Variants in MAPKAP1 observed in about 807,000 individuals in gnomAD.
MAPKAP1 encodes the protein target of rapamycin complex 2 subunit MAPKAP1.
In MAPKAP1, 20 loss-of-function variants were observed where a neutral mutation model predicts 65.7. That is an observed-to-expected ratio of 0.30 (90% CI 0.21 to 0.44). The LOEUF (loss-of-function observed/expected upper bound fraction) is 0.44. Ranked by LOEUF, MAPKAP1 falls within the 20% of genes least tolerant of loss-of-function variation. The pLI is 1.00. For synonymous variants in MAPKAP1, 222 were observed against 244.3 expected (o/e 0.91, Z 0.85); for missense variants, 423 against 648.0 (o/e 0.65, Z 3.77).
chr9:125,526,327 T>C (rs1050560041), intron 7 of MAPKAP1, among the ~76,000 whole-genome samples: 1 of 152,206 alleles, frequency 6.6e-6, no homozygotes, highest in South Asian at 2.1e-4. Context: ...AATGTCAAAA[T>C]GTACATGTGA....
chr9:125,646,989 A>T (rs1486127740), intron 4 of MAPKAP1, among the ~76,000 whole-genome samples: 1 of 152,214 alleles, frequency 6.6e-6, no homozygotes, highest in Non-Finnish European at 1.5e-5. Flanking sequence ...GCCTTATACA[A>T]ACATCTGCCG....
At chr9:125,528,220 G>A in intron 7 of MAPKAP1, among the ~76,000 whole-genome samples, 1 of 152,202 alleles carries the variant, frequency 6.6e-6, no homozygotes, top group Non-Finnish European at 1.5e-5. Context: ...TGGGGACAGG[G>A]CCACAGTGCC....
chr9:125,511,511 A>G (rs984153921), intron 7 of MAPKAP1, among the ~76,000 whole-genome samples: 4 of 152,360 alleles, frequency 2.6e-5, no homozygotes, highest in East Asian at 1.9e-4. Flanking sequence ...TCACTCACAC[A>G]AAGTTCTTAA....
chr9:125,507,932 C>T (rs1829191580), intron 7 of MAPKAP1, among the ~76,000 whole-genome samples: 1 of 152,024 alleles, frequency 6.6e-6, no homozygotes, highest in African/African-American at 2.4e-5. Context: ...TCCCAAATCC[C>T]AGCACTTCGG....
intron 4 of MAPKAP1, among the ~76,000 whole-genome samples, chr9:125,653,740 T>A (rs1833956137): frequency 6.6e-6 from 1 of 152,202 alleles, no homozygotes; most frequent in Non-Finnish European, 1.5e-5. Context: ...ATAGGTTGCT[T>A]TATTAAACGA....
chr9:125,597,035 G>A (rs181078553), intron 4 of MAPKAP1, among the ~76,000 whole-genome samples: 477 of 151,224 alleles, frequency 3.2e-3, no homozygotes, highest in South Asian at 6.5e-3. Flanking sequence ...GGCCAAGGCG[G>A]GCAGATCACG....
Position 125,611,173 on chromosome 9 carries a change from T to A in MAPKAP1, c.499-25446A>T, listed in dbSNP as rs988545365. The stretch of plus-strand genomic sequence containing the variant: ...AATTACTGAATACAGGTGCTACACA[T>A]AAGGGTGCTCACTGAACTTTTACTA... On this transcript the variant is annotated intron_variant, in intron 4 of 11. Coordinates refer to ENST00000265960, the MANE Select transcript of MAPKAP1 (RefSeq NM_001006617.3). Among the ~76,000 whole-genome samples the A allele has an allele frequency of 3.3e-4, 51 of 152,300 alleles. 1 individual carries two copies. Among genetic ancestry groups the A allele is most frequent in the Admixed American group, 2.9e-3 (45 of 15,290 alleles).
At position 125,477,073 on chromosome 9, in the gene MAPKAP1, A is replaced by G. The variant is rs1854138081; in HGVS notation, c.1207+7370T>C. Among the ~76,000 whole-genome samples, 3 of 152,220 alleles carry G rather than the reference A, an allele frequency of 2.0e-5. No individual in the cohort carries two copies. In the South Asian group the frequency reaches 6.2e-4, roughly 32 times the overall value. ...CAAGTCTTATGATTATACATACTGG[A>G]CAGTTTTATGAAAAGATAATGGAAG... On this transcript the variant is annotated intron_variant, in intron 9 of 11. Transcript: ENST00000265960.
At chr9:125,585,496 C>T (rs1159010705) in intron 5 of MAPKAP1, 59 bp downstream of exon 5, 1 of 1,576,418 alleles carries the variant, frequency 6.3e-7, no homozygotes, top group African/African-American at 1.3e-5. Context: ...GCCTAGAAGA[C>T]ACCTTGGGTG....
At chr9:125,521,780 C>T in intron 7 of MAPKAP1, 1 of 1,611,530 alleles carries the variant, frequency 6.2e-7, no homozygotes, top group Non-Finnish European at 8.5e-7. Flanking sequence ...GGACAAAAAA[C>T]AGAAGAAACA....
chr9:125,625,980 T>C (rs1833107266), intron 4 of MAPKAP1, among the ~76,000 whole-genome samples: 1 of 152,230 alleles, frequency 6.6e-6, no homozygotes, highest in African/African-American at 2.4e-5. Context: ...ACTGAAGTCA[T>C]ACTTAAGGTG....
At chr9:125,496,594 C>T (rs1297441354) in intron 8 of MAPKAP1, among the ~76,000 whole-genome samples, 2 of 152,116 alleles carry the variant, frequency 1.3e-5, no homozygotes, top group South Asian at 2.1e-4. Flanking sequence ...ATGGAACCAC[C>T]AGGGAGTCTC....
chr9:125,631,893 G>A (rs1833294452), intron 4 of MAPKAP1, among the ~76,000 whole-genome samples: 1 of 152,076 alleles, frequency 6.6e-6, no homozygotes, highest in Non-Finnish European at 1.5e-5. Context: ...TCTCCCATGC[G>A]AAGCCCAGGC....
chr9:125,438,921 C>T lies in MAPKAP1; in HGVS notation c.1535G>A (p.Ser512Asn). 1.9e-6 allele frequency: 3 copies of T among 1,614,254 alleles called. No homozygotes were observed. The Middle Eastern group carries it at 5.0e-4, about 266-fold the overall frequency. ...CCCGGATTTCTTCTCCTTCTGGAAG[C>T]TGAAGCTCGTACGTCTGTTCAGTTT... Reference protein sequence around the residue: ...QRKLNRRTSFSFQKEKKSGQQ With the variant: ...QRKLNRRTSFNFQKEKKSGQQ Residue 512 changes from serine to asparagine, a missense_variant, in exon 12 of 12, where the codon AGC (serine) becomes AAC (asparagine). Ser to Asn is a conservative substitution (Grantham distance 46, BLOSUM62 1). Coordinates refer to ENST00000265960, the MANE Select transcript of MAPKAP1 (RefSeq NM_001006617.3).
chr9:125,517,587 T>C (rs1829499693), intron 7 of MAPKAP1, among the ~76,000 whole-genome samples: 1 of 152,240 alleles, frequency 6.6e-6, no homozygotes, highest in Admixed American at 6.5e-5. Context: ...AAATAGTTTA[T>C]GTATTGCCAT....
chr9:125,707,178 A>C lies in MAPKAP1; in HGVS notation c.-277T>G, dbSNP rs1410576155. On this transcript the variant is annotated 5_prime_UTR_variant, in exon 1 of 12. Coordinates refer to ENST00000265960, the MANE Select transcript of MAPKAP1 (RefSeq NM_001006617.3). The stretch of plus-strand genomic sequence containing the variant: ...GCTCGCCGCCGCCGGCCGGCCGAGC[A>C]GCAGCCCTATTACCCCGAGCCGCAC... 2.5e-6 allele frequency: 1 copy of C among 397,746 alleles called. No individual in the cohort carries two copies. The allele number at this position is 397,746 out of a possible 1,614,324, so 24.6% of individuals were successfully genotyped here. A position where few individuals can be genotyped will look rare whatever the true frequency, so the allele number is the denominator to read the frequency against.
chr9:125,501,141 A>G (rs1222407672), intron 8 of MAPKAP1, among the ~76,000 whole-genome samples: 1 of 152,226 alleles, frequency 6.6e-6, no homozygotes, highest in African/African-American at 2.4e-5. Flanking sequence ...CTTCTTAGAA[A>G]GTCATGCATG....
In MAPKAP1 at chr9:125,689,738, C is replaced by CA. The variant is rs71374291; in HGVS notation, c.-69-17096dup. Among the ~76,000 whole-genome samples the CA allele has an allele frequency of 3.0e-3, 288 of 97,028 alleles. 3 individuals are homozygous for CA. Among genetic ancestry groups the CA allele is most frequent in the South Asian group, 0.023 (67 of 2,930 alleles). The allele number at this position is 97,028 out of a possible 152,430, so 63.7% of individuals were successfully genotyped here. ...TGGGCGACAGAGTGAGACTCCATCT[C>CA]AAAAAAAAAAAAAAAGAAGAAGAAG... On this transcript the variant is annotated intron_variant, in intron 1 of 11. Transcript: ENST00000265960.
chr9:125,617,423 T>A (rs944919843), intron 4 of MAPKAP1, among the ~76,000 whole-genome samples: 1 of 152,186 alleles, frequency 6.6e-6, no homozygotes, highest in Non-Finnish European at 1.5e-5. Context: ...ATCATGCCAC[T>A]GCACTCCAGC....
Sources: gnomAD v4.1 joint callset for allele counts (sites outside exome capture counted in the v4.1 genomes callset) on GRCh38, gnomAD v4.1.1 for gene constraint, MANE v1.5 for transcripts, NCBI Gene and HGNC (gene_info 2026-07-23, HGNC 2026-07-21) for gene names.